The following TRIP10 variants were observed in gnomAD, a reference collection of about 807,000 sequenced individuals.
The protein encoded by TRIP10 is thyroid hormone receptor interactor 10.
Under a neutral mutation model 80.9 loss-of-function variants are expected in TRIP10, and 54 were observed. That is an observed-to-expected ratio of 0.67 (90% CI 0.54 to 0.84). TRIP10 has a LOEUF of 0.84. Among genes scored for constraint, TRIP10 ranks in the 40% least tolerant of loss-of-function variants. The pLI, the probability that TRIP10 is intolerant of heterozygous loss-of-function variation, is 0.00. For synonymous variants in TRIP10, 321 were observed against 307.2 expected, an observed-to-expected ratio of 1.04 and a Z score of -0.47; for missense variants, 773 against 815.3, an observed-to-expected ratio of 0.95 and a Z score of 0.63.
chr19:6,749,106 A>G (rs1431365543), intron 11 of TRIP10, among the ~76,000 whole-genome samples: 1 of 151,598 alleles, frequency 6.6e-6, no homozygotes, highest in African/African-American at 2.4e-5. Flanking sequence ...TTTTTTAAAA[A>G]TTATTTTGAT....
chr19:6,750,060 G>A lies in TRIP10; in HGVS notation c.1389G>A (p.Lys463=). ...AACGGCTGAAATTGGAAGTGCAGAAGTATGAGGTCAGGAAAGACCCTGGGG... is the reference window on the plus strand; with the variant it reads ...AACGGCTGAAATTGGAAGTGCAGAAATATGAGGTCAGGAAAGACCCTGGGG... ...NIERLKLEVQ[K]YEAWLAEAES... is the part of the protein sequence containing the mutation. The change falls in exon 12 of 15, where the codon AAG becomes AAA. Residue 463 remains lysine (K), a synonymous_variant. Coordinates refer to ENST00000313244, the MANE Select transcript of TRIP10 (RefSeq NM_001288962.2). The A allele has an allele frequency of 2.1e-6, 3 of 1,427,026 alleles. No individual in the cohort carries two copies. The highest frequency in any genetic ancestry group is 2.8e-6 in the Non-Finnish European group (3 of 1,062,562). 88.4% of individuals were successfully genotyped at this position (1,427,026 alleles called of 1,614,324 possible).
chr19:6,748,046 T>A (rs531387025), intron 11 of TRIP10, among the ~76,000 whole-genome samples: 1 of 151,940 alleles, frequency 6.6e-6, no homozygotes, highest in South Asian at 2.1e-4. Context: ...GATAGTTCAA[T>A]ATCAAAAAAT....
rs748893888 is a variant in TRIP10, at chr19:6,743,617, G to C, written c.513+19G>C. 3.0e-6 allele frequency: 4 copies of C among 1,325,498 alleles called. No homozygotes were observed. The highest frequency in any genetic ancestry group is 2.0e-5 in the African/African-American group (1 of 50,066). The allele number at this position is 1,325,498 out of a possible 1,614,324, so 82.1% of individuals were successfully genotyped here. ...GGAGAAGGTGTGTGTGGCGGGGGCG[G>C]GGGGGGGGTGCGGGGTCTGGGACAA... On this transcript the variant is annotated intron_variant, in intron 6 of 14. Transcript: ENST00000313244.
intron 14 of TRIP10, 83 bp downstream of exon 14, chr19:6,750,716 G>C: frequency 6.4e-7 from 1 of 1,565,372 alleles, no homozygotes; most frequent in Non-Finnish European, 8.7e-7. Flanking sequence ...CTAAAGCAGG[G>C]CTGGGCGGGT....
intron 11 of TRIP10, among the ~76,000 whole-genome samples, chr19:6,747,022 A>G (rs1269959173): frequency 1.3e-5 from 2 of 152,178 alleles, no homozygotes; most frequent in Non-Finnish European, 2.9e-5. Context: ...GGTGATTCCT[A>G]CCACACTTAG....
chr19:6,751,359 A>T lies in TRIP10; in HGVS notation c.*148A>T. On this transcript the variant is annotated 3_prime_UTR_variant, in exon 15 of 15. Transcript: ENST00000313244. ...CCCCCTCCACCCCCAACCCAGTCCT[A>T]CCTGTCACACCGGACGGACCCGCTG... The T allele has an allele frequency of 6.9e-7, 1 of 1,449,988 alleles. No homozygotes were observed. 89.8% of individuals were successfully genotyped at this position (1,449,988 alleles called of 1,614,324 possible). A position where few individuals can be genotyped will look rare whatever the true frequency, so the allele number is the denominator to read the frequency against.
rs553839004 is a variant in TRIP10 at position 6,743,947 on chromosome 19, G to T, written c.642+111G>T. 2.1e-6 allele frequency: 3 copies of T among 1,412,300 alleles called. No homozygotes were observed. The South Asian group carries it at 4.0e-5, about 19-fold the overall frequency. The allele number at this position is 1,412,300 out of a possible 1,614,324, so 87.5% of individuals were successfully genotyped here. On this transcript the variant is annotated intron_variant, in intron 7 of 14. Coordinates refer to ENST00000313244, the MANE Select transcript of TRIP10 (RefSeq NM_001288962.2). ...CAATGTCCCAGTCCCTAGATTGAAA[G>T]GGAATCAGAAACCTATAGTAACAGT...
chr19:6,740,284 A>G (rs1171205275), intron 1 of TRIP10, among the ~76,000 whole-genome samples: 4 of 152,132 alleles, frequency 2.6e-5, no homozygotes, highest in Non-Finnish European at 5.9e-5. Flanking sequence ...GGGGGATGCT[A>G]AGCTCGGCCT....
Position 6,746,122 on chromosome 19 carries a change from G to C in TRIP10, c.1078G>C (p.Ala360Pro). 1 of 1,547,684 alleles carries C rather than the reference G, an allele frequency of 6.5e-7. No individual in the cohort carries two copies. Among genetic ancestry groups the C allele is most frequent in the East Asian group, 2.5e-5 (1 of 40,698 alleles). Residue 360 changes from alanine to proline, a missense_variant, in exon 10 of 15, where the codon GCC becomes CCC. Coordinates refer to ENST00000313244, the MANE Select transcript of TRIP10 (RefSeq NM_001288962.2). The surrounding 1 kb of genome is among the most constrained non-coding windows in gnomAD (Gnocchi z 6.2). ...PSPRSGRDPL[A>P]ILSEISKSVK... Reference sequence around the variant, plus strand: ...CCCCCGCTCCGGCCGTGACCCCTTGGCCATACTGAGCGAGATCAGTAAGTC... The same window carrying C: ...CCCCCGCTCCGGCCGTGACCCCTTGCCCATACTGAGCGAGATCAGTAAGTC...
Position 6,746,626 on chromosome 19 carries a change from ATTTG to A in TRIP10, c.1262+69_1262+72del, listed in dbSNP as rs889864747. The A allele has an allele frequency of 4.8e-5, 54 of 1,133,948 alleles. No homozygotes were observed. The highest frequency in any genetic ancestry group is 4.0e-4 in the Admixed American group (16 of 40,336). 70.2% of individuals were successfully genotyped at this position (1,133,948 alleles called of 1,614,324 possible). On this transcript the variant is annotated intron_variant, in intron 11 of 14. Transcript: ENST00000313244. The surrounding 1 kb of genome is among the most constrained non-coding windows in gnomAD (Gnocchi z 6.2). ...ATAAAATAGTAAATGAACTTCACTT[ATTTG>A]TTTATTATTTTATTTTATTTATTTT... is the stretch of plus-strand genomic sequence containing the variant.
At position 6,750,284 on chromosome 19, in the gene TRIP10, C is replaced by T. The variant is rs755118730; in HGVS notation, c.1396-8C>T. On this transcript the variant is annotated splice_polypyrimidine_tract_variant and splice_region_variant and intron_variant, in intron 12 of 14. Coordinates refer to ENST00000313244, the MANE Select transcript of TRIP10 (RefSeq NM_001288962.2). ...CCCTGGAACGATTTTCCTGTCCCCTCCTCCCAGGCGTGGCTGGCAGAAGCT... is the reference window on the plus strand; with the variant it reads ...CCCTGGAACGATTTTCCTGTCCCCTTCTCCCAGGCGTGGCTGGCAGAAGCT... The T allele has an allele frequency of 3.1e-6, 5 of 1,613,768 alleles. No individual in the cohort carries two copies. The highest frequency in any genetic ancestry group is 1.1e-5 in the South Asian group (1 of 91,034).
rs1359910154 is a variant in TRIP10 at position 6,741,140 on chromosome 19, TG to T, written c.140+17del. On this transcript the variant is annotated intron_variant, in intron 2 of 14. Coordinates refer to ENST00000313244, the MANE Select transcript of TRIP10 (RefSeq NM_001288962.2). ...AAACAACTGCGGTGAGACCCTGGGG[TG>T]GACGCTACGGAGGACGCGCCTGGGG... is the stretch of plus-strand genomic sequence containing the variant. 6.2e-7 allele frequency: 1 copy of T among 1,613,992 alleles called. No individual in the cohort carries two copies. Among genetic ancestry groups the T allele is most frequent in the South Asian group, 1.1e-5 (1 of 91,082 alleles).
rs1969066016 is a variant in TRIP10 at position 6,745,012 on chromosome 19, TGGGATGGTGGGGGAGAA to T, written c.984+21_984+37del. On this transcript the variant is annotated intron_variant, in intron 9 of 14. Coordinates refer to ENST00000313244, the MANE Select transcript of TRIP10 (RefSeq NM_001288962.2). This position sits in a 1 kb window ranked among gnomAD's most constrained non-coding sequence, Gnocchi z 7.2. The stretch of plus-strand genomic sequence containing the variant: ...AGAACAAGGTGGGGGCCGGGACCCT[TGGGATGGTGGGGGAGAA>T]GGACAGTGAAGTGGGGACAGTGGGG... 2 of 1,608,682 alleles carry T rather than the reference TGGGATGGTGGGGGAGAA, an allele frequency of 1.2e-6. No homozygotes were observed. Among genetic ancestry groups the T allele is most frequent in the Non-Finnish European group, 1.7e-6 (2 of 1,177,546 alleles).
intron 1 of TRIP10, 75 bp from the exon 2 acceptor site, chr19:6,740,934 TG>T: frequency 7.4e-7 from 1 of 1,342,980 alleles, no homozygotes; most frequent in Non-Finnish European, 1.0e-6. Context: ...CCTGGGAGTC[TG>T]GTCGGCGGGC....
In TRIP10 at chr19:6,743,767, G is replaced by A. The variant is rs371193305; in HGVS notation, c.573G>A (p.Ala191=). The change falls in exon 7 of 15, where the codon GCG becomes GCA. Residue 191 remains alanine, a synonymous_variant. Coordinates refer to ENST00000313244, the MANE Select transcript of TRIP10 (RefSeq NM_001288962.2). ...CCGAAGAAAGCAAAAACGAATATGCGGCTCAACTGCAGCGCTTCAACCGAG... is the reference window on the plus strand; with the variant it reads ...CCGAAGAAAGCAAAAACGAATATGCAGCTCAACTGCAGCGCTTCAACCGAG... The part of the protein sequence containing the change: ...HMAEESKNEY[A]AQLQRFNRDQ... 31 of 1,613,930 alleles carry A rather than the reference G, an allele frequency of 1.9e-5. No homozygotes were observed. Among genetic ancestry groups the A allele is most frequent in the South Asian group, 3.3e-5 (3 of 91,058 alleles).
chr19:6,751,094 G>A lies in TRIP10; in HGVS notation c.1689G>A (p.Glu563=), dbSNP rs756302949. 1.9e-6 allele frequency: 3 copies of A among 1,605,804 alleles called. No homozygotes were observed. The African/African-American group carries it at 4.0e-5, about 22-fold the overall frequency. ...GSSEGTISMA[E]GEDLSLMEED... ...GCGAGGGCACTATCTCTATGGCCGA[G>A]GGTGAAGACCTCAGTCTTATGGAAG... Residue 563 remains glutamate, a synonymous_variant, in exon 15 of 15, where the codon GAG becomes GAA. Transcript: ENST00000313244.
rs981684265 is a variant in TRIP10 at position 6,745,758 on chromosome 19, C to A, written c.985-271C>A. ...GATACCGGGGGAGTGAGAGTTCTGG[C>A]TTTCGGGCTTACAGTTCAACATCCT... On this transcript the variant is annotated intron_variant, in intron 9 of 14. Coordinates refer to ENST00000313244, the MANE Select transcript of TRIP10 (RefSeq NM_001288962.2). The surrounding 1 kb of genome is among the most constrained non-coding windows in gnomAD (Gnocchi z 7.2). 11 of 985,210 alleles carry A rather than the reference C, an allele frequency of 1.1e-5. No homozygotes were observed. The South Asian group carries it at 4.7e-4, about 42-fold the overall frequency. 61.0% of individuals were successfully genotyped at this position (985,210 alleles called of 1,614,324 possible). A position where few individuals can be genotyped will look rare whatever the true frequency, so the allele number is the denominator to read the frequency against.
rs1012088675 is a variant in TRIP10, at chr19:6,746,109, C to T, written c.1065C>T (p.Gly355=). ...LPNGPPSPRS[G]RDPLAILSEI... Reference sequence around the variant, plus strand: ...ACGGACCCCCGTCCCCCCGCTCCGGCCGTGACCCCTTGGCCATACTGAGCG... The same window carrying T: ...ACGGACCCCCGTCCCCCCGCTCCGGTCGTGACCCCTTGGCCATACTGAGCG... The change falls in exon 10 of 15, where the codon GGC becomes GGT. Residue 355 remains glycine (G), a synonymous_variant. Transcript: ENST00000313244. The surrounding 1 kb of genome is among the most constrained non-coding windows in gnomAD (Gnocchi z 6.2). The T allele has an allele frequency of 6.5e-7, 1 of 1,546,162 alleles. No homozygotes were observed. Among genetic ancestry groups the T allele is most frequent in the Non-Finnish European group, 8.7e-7 (1 of 1,145,312 alleles).
Position 6,750,370 on chromosome 19 carries a change from C to A in TRIP10, c.1474C>A (p.Pro492Thr), listed in dbSNP as rs28705365. Residue 492 changes from proline (P) to threonine (T), a missense_variant, in exon 13 of 15, where the codon CCC becomes ACC. Physicochemically the swap from Pro to Thr is conservative, Grantham distance 38 (BLOSUM62 -1). Transcript: ENST00000313244. ...SLSRHARPPD[P>T]PASAPPDSSS... ...GAGCCGGCACGCCCGGCCTCCCGAC[C>A]CCCCCGCTAGCGCCCCGCCAGACAG... is the stretch of plus-strand genomic sequence containing the variant. The A allele has an allele frequency of 1.9e-6, 3 of 1,614,122 alleles. No individual in the cohort carries two copies. Among genetic ancestry groups the A allele is most frequent in the South Asian group, 1.1e-5 (1 of 91,068 alleles).
Sources: gnomAD v4.1 joint callset for allele counts (sites outside exome capture counted in the v4.1 genomes callset) on GRCh38, gnomAD v4.1.1 for gene constraint, Gnocchi (gnomAD v3.1) non-coding constraint, MANE v1.5 for transcripts, NCBI Gene and HGNC (gene_info 2026-07-23, HGNC 2026-07-21) for gene names.